Variants in RERE observed in about 807,000 individuals in gnomAD.
RERE encodes arginine-glutamic acid dipeptide repeats protein.
RERE carries 40 observed loss-of-function variants against 146.1 expected under a neutral mutation model. The ratio of observed to expected loss-of-function variants is 0.27; its 90% CI spans 0.21 to 0.36. RERE has a LOEUF of 0.36. Among genes scored for constraint, RERE ranks in the 10% least tolerant of loss-of-function variants. RERE has a pLI of 1.00. For synonymous variants in RERE, 1,003 were observed against 866.0 expected (o/e 1.16, Z -2.78); for missense variants, 1,933 against 2,138.7 (o/e 0.90, Z 1.90).
At chr1:8,652,781 G>A (rs1025210581) in intron 2 of RERE, among the ~76,000 whole-genome samples, 14 of 152,186 alleles carry the variant, frequency 9.2e-5, no homozygotes, top group Non-Finnish European at 1.5e-4. Context: ...TGACACGTGG[G>A]GATTATTACA....
At chr1:8,558,667 C>A (rs985640761) in intron 4 of RERE, among the ~76,000 whole-genome samples, 5 of 152,080 alleles carry the variant, frequency 3.3e-5, no homozygotes, top group African/African-American at 1.2e-4. Flanking sequence ...CACTAAAACA[C>A]CAGGAAGGTT....
chr1:8,416,385 A>G (rs1017181892), intron 12 of RERE, among the ~76,000 whole-genome samples: 7 of 152,140 alleles, frequency 4.6e-5, no homozygotes, highest in African/African-American at 7.2e-5. Context: ...GGAGATCGAG[A>G]CCATCCTGGT....
At chr1:8,478,596 G>A (rs973902501) in intron 10 of RERE, among the ~76,000 whole-genome samples, 6 of 152,146 alleles carry the variant, frequency 3.9e-5, no homozygotes, top group African/African-American at 9.7e-5. Context: ...CAAGATTCTG[G>A]AGGACAGGGC....
At chr1:8,451,402 G>A (rs757593015) in intron 11 of RERE, among the ~76,000 whole-genome samples, 6 of 151,818 alleles carry the variant, frequency 4.0e-5, no homozygotes, top group African/African-American at 1.2e-4. Flanking sequence ...ACTGCACTGC[G>A]GCCTGGGTGA....
In RERE at chr1:8,395,193, G is replaced by A. The variant is rs901123162; in HGVS notation, c.1284+27534C>T. 9.2e-5 allele frequency among the ~76,000 whole-genome samples: 14 copies of A among 152,078 alleles called. 1 individual carries two copies. Among genetic ancestry groups the A allele is most frequent in the African/African-American group, 2.2e-4 (9 of 41,410 alleles). On this transcript the variant is annotated intron_variant, in intron 12 of 22. Coordinates refer to ENST00000400908, the MANE Select transcript of RERE (RefSeq NM_001042681.2). ...TAATACCAAAGAATGAGCAATTTCC[G>A]GGTCGGGTGCAGTGGCTCATGCTTG...
At chr1:8,742,982 G>A (rs1040429256) in intron 1 of RERE, among the ~76,000 whole-genome samples, 5 of 151,914 alleles carry the variant, frequency 3.3e-5, no homozygotes, top group South Asian at 2.1e-4. Context: ...ACAAACAGAC[G>A]TTATTTCAGC....
At chr1:8,693,908 C>T (rs549181404) in intron 1 of RERE, among the ~76,000 whole-genome samples, 6 of 151,490 alleles carry the variant, frequency 4.0e-5, no homozygotes, top group African/African-American at 9.7e-5. Context: ...AACTAGTCTA[C>T]TGATTTAATG....
chr1:8,762,597 T>C (rs1640776417), intron 1 of RERE, among the ~76,000 whole-genome samples: 1 of 152,178 alleles, frequency 6.6e-6, no homozygotes, highest in Non-Finnish European at 1.5e-5. Context: ...TCAGGCACCA[T>C]CTAACTCTAC....
At chr1:8,648,551 T>C (rs1281110457) in intron 2 of RERE, among the ~76,000 whole-genome samples, 1 of 152,208 alleles carries the variant, frequency 6.6e-6, no homozygotes, top group Non-Finnish European at 1.5e-5. Context: ...TTACTTTAAA[T>C]AGGTTTTAGA....
intron 11 of RERE, 145 bp from the exon 12 acceptor site, chr1:8,422,952 G>A: frequency 1.5e-6 from 1 of 645,466 alleles, no homozygotes. Context: ...GAGTATGTCA[G>A]CAGCTCAGCT....
chr1:8,502,485 G>A (rs1381377413), intron 8 of RERE, among the ~76,000 whole-genome samples: 24 of 125,442 alleles, frequency 1.9e-4, no homozygotes, highest in African/African-American at 4.3e-4. Flanking sequence ...CCCCCTGCCC[G>A]GCCAGCCGCC....
intron 7 of RERE, among the ~76,000 whole-genome samples, chr1:8,527,783 T>C (rs1213382424): frequency 2.6e-5 from 4 of 151,936 alleles, no homozygotes; most frequent in Non-Finnish European, 5.9e-5. Context: ...CAGCCCTTTC[T>C]CTTGTTACCC....
intron 3 of RERE, among the ~76,000 whole-genome samples, chr1:8,619,823 T>C (rs1646897425): frequency 6.6e-6 from 1 of 152,260 alleles, no homozygotes; most frequent in Middle Eastern, 3.2e-3. Context: ...AGAACTAAAG[T>C]GAATGCCCTT....
At chr1:8,609,326 T>C (rs913213934) in intron 4 of RERE, among the ~76,000 whole-genome samples, 1 of 152,226 alleles carries the variant, frequency 6.6e-6, no homozygotes, top group Non-Finnish European at 1.5e-5. Flanking sequence ...GGTTCTCTGA[T>C]GCCAGTAGCA....
intron 10 of RERE, among the ~76,000 whole-genome samples, chr1:8,474,951 T>C (rs1240312839): frequency 6.6e-6 from 1 of 152,212 alleles, no homozygotes; most frequent in African/African-American, 2.4e-5. Flanking sequence ...CAAGAAACTG[T>C]CAAAATAACT....
intron 12 of RERE, among the ~76,000 whole-genome samples, chr1:8,390,038 G>C (rs1267287329): frequency 6.6e-6 from 1 of 152,164 alleles, no homozygotes; most frequent in African/African-American, 2.4e-5. Flanking sequence ...AGAGTAGTTA[G>C]ACAGTGAGGA....
intron 1 of RERE, among the ~76,000 whole-genome samples, chr1:8,724,262 T>C (rs1381427129): frequency 6.6e-6 from 1 of 150,966 alleles, no homozygotes; most frequent in East Asian, 1.9e-4. Context: ...TTTGGGTTTC[T>C]GGCTCAGGGG....
chr1:8,510,643 T>G (rs1322078405), intron 7 of RERE, among the ~76,000 whole-genome samples: 1 of 152,232 alleles, frequency 6.6e-6, no homozygotes, highest in Middle Eastern at 3.2e-3. Context: ...CCCTTCCAAC[T>G]TGTCCTTTTC....
At chr1:8,709,696 G>C (rs1353683096) in intron 1 of RERE, among the ~76,000 whole-genome samples, 7 of 152,162 alleles carry the variant, frequency 4.6e-5, no homozygotes, top group African/African-American at 1.7e-4. Flanking sequence ...GAACTGAACA[G>C]TGTGGGAGTC....
Sources: gnomAD v4.1 joint callset for allele counts (sites outside exome capture counted in the v4.1 genomes callset) on GRCh38, gnomAD v4.1.1 for gene constraint, MANE v1.5 for transcripts, NCBI Gene and HGNC (gene_info 2026-07-23, HGNC 2026-07-21) for gene names.